The following DAB1 variants were observed in gnomAD, a reference collection of about 807,000 sequenced individuals.
DAB1 encodes the protein DAB adaptor protein 1.
A neutral mutation model predicts 64.6 loss-of-function variants in DAB1; 15 were observed. That is an observed-to-expected ratio of 0.23 (90% confidence interval 0.16 to 0.36). The LOEUF (loss-of-function observed/expected upper bound fraction) is 0.36, where lower values mean the gene tolerates loss of function less well. Among genes scored for constraint, DAB1 ranks in the 10% least tolerant of loss-of-function variants. The pLI is 1.00. For synonymous variants in DAB1, 235 were observed against 251.9 expected (o/e 0.93, Z 0.64); for missense variants, 596 against 706.7 (o/e 0.84, Z 1.78).
intron 5 of DAB1, among the ~76,000 whole-genome samples, chr1:57,961,128 T>G (rs958373866): frequency 2.0e-5 from 3 of 152,210 alleles, no homozygotes; most frequent in African/African-American, 7.2e-5. Context: ...CAAAGCAAAG[T>G]CCTGGTATTT....
chr1:58,499,454 C>T (rs1645862606), intron 3 of DAB1, among the ~76,000 whole-genome samples: 4 of 130,690 alleles, frequency 3.1e-5, no homozygotes, highest in South Asian at 4.9e-4. Flanking sequence ...CACTGCACTC[C>T]AGCCTAGGGA....
intron 7 of DAB1, among the ~76,000 whole-genome samples, chr1:57,606,520 T>TTATATATGA (rs1443101402): frequency 1.4e-5 from 1 of 70,696 alleles, no homozygotes; most frequent in African/African-American, 5.6e-5. Flanking sequence ...ATAATATATA[T>TTATATATGA]AATATATAAT....
intron 4 of DAB1, among the ~76,000 whole-genome samples, chr1:58,299,648 T>C (rs1434346866): frequency 2.0e-5 from 3 of 152,180 alleles, no homozygotes; most frequent in East Asian, 1.9e-4. Context: ...TTATCTGTGA[T>C]AGTGCCCACA....
chr1:58,191,724 G>A lies in DAB1; in HGVS notation n.310-41136C>T, dbSNP rs74074992. ...ACAACTACGACACCCACCGGCTGCT[G>A]TAGATCTGTATCCCCTTTGCCTCCT... is the stretch of plus-strand genomic sequence containing the variant. On this transcript the variant is annotated intron_variant and non_coding_transcript_variant, in intron 4 of 20. Transcript: ENST00000485760. 8.7e-3 allele frequency among the ~76,000 whole-genome samples: 1,328 copies of A among 152,318 alleles called. 20 individuals carry two copies. Among genetic ancestry groups the A allele is most frequent in the African/African-American group, 0.03 (1,264 of 41,572 alleles).
At chr1:58,161,452 A>T (rs982974282) in intron 4 of DAB1, among the ~76,000 whole-genome samples, 2 of 152,186 alleles carry the variant, frequency 1.3e-5, no homozygotes, top group Non-Finnish European at 2.9e-5. Flanking sequence ...AAAGGTTTGG[A>T]AGAACAAAGT....
chr1:58,256,382 G>C (rs1660929534), intron 4 of DAB1, among the ~76,000 whole-genome samples: 1 of 152,066 alleles, frequency 6.6e-6, no homozygotes, highest in Admixed American at 6.6e-5. Context: ...ATTTTCCAAG[G>C]GCCAGCAGCC....
At chr1:58,191,244 A>G (rs1016413726) in intron 4 of DAB1, among the ~76,000 whole-genome samples, 5 of 152,222 alleles carry the variant, frequency 3.3e-5, no homozygotes, top group Non-Finnish European at 7.3e-5. Flanking sequence ...CTATAAACAC[A>G]TTTAGTTCTT....
At chr1:57,357,923 A>G (rs1367229247) in intron 1 of DAB1, among the ~76,000 whole-genome samples, 1 of 151,992 alleles carries the variant, frequency 6.6e-6, no homozygotes, top group Non-Finnish European at 1.5e-5. Context: ...CTACAATTCA[A>G]GATAAGATTT....
chr1:57,105,237 C>T (rs1265904486), intron 4 of DAB1, among the ~76,000 whole-genome samples: 1 of 151,720 alleles, frequency 6.6e-6, no homozygotes, highest in Non-Finnish European at 1.5e-5. Context: ...CAAAATACCT[C>T]TATGGCAAGA....
rs546121916 is a variant in DAB1, at chr1:58,031,931, T to TA, written n.387+118579dup. 2.9e-3 allele frequency among the ~76,000 whole-genome samples: 420 copies of TA among 146,320 alleles called. 4 individuals carry two copies. Among genetic ancestry groups the TA allele is most frequent in the African/African-American group, 9.2e-3 (368 of 39,982 alleles). ...CCCTCATTTCCTAAGGTTGAAATTG[T>TA]AAAAAAAAAAATCTTCCCTTTGCTC... On this transcript the variant is annotated intron_variant and non_coding_transcript_variant, in intron 5 of 20. Coordinates refer to the DAB1 transcript ENST00000485760.
At chr1:57,245,780 CCT>C (rs2100496781) in intron 2 of DAB1, among the ~76,000 whole-genome samples, 1 of 152,274 alleles carries the variant, frequency 6.6e-6, no homozygotes, top group Non-Finnish European at 1.5e-5. Flanking sequence ...GATTTATAAT[CCT>C]TTGGGTATAT....
At chr1:58,098,196 G>A in intron 5 of DAB1, among the ~76,000 whole-genome samples, 1 of 152,130 alleles carries the variant, frequency 6.6e-6, no homozygotes, top group East Asian at 1.9e-4. Flanking sequence ...CCAGCATTCA[G>A]GATCTCAGCA....
chr1:57,884,877 A>T (rs1325184463), upstream of DAB1, among the ~76,000 whole-genome samples: 1 of 151,412 alleles, frequency 6.6e-6, no homozygotes, highest in African/African-American at 2.4e-5. Flanking sequence ...GGACCATGGC[A>T]CCTCCCTCCC....
intron 4 of DAB1, among the ~76,000 whole-genome samples, chr1:57,085,477 A>G (rs145911884): frequency 6.6e-6 from 1 of 152,300 alleles, no homozygotes; most frequent in Non-Finnish European, 1.5e-5. Context: ...ACTCAATTCT[A>G]GTAATGGGGC....
intron 4 of DAB1, among the ~76,000 whole-genome samples, chr1:58,185,291 G>A (rs617312): frequency 3.9e-5 from 6 of 152,156 alleles, no homozygotes; most frequent in Admixed American, 1.3e-4. Flanking sequence ...CTCATTATCT[G>A]CAGGCATCTG....
chr1:58,197,873 CATA>C (rs1224690393), intron 4 of DAB1, among the ~76,000 whole-genome samples: 1 of 152,128 alleles, frequency 6.6e-6, no homozygotes, highest in Non-Finnish European at 1.5e-5. Context: ...GAGCCCCAGG[CATA>C]ATGTTAGTTC....
intron 3 of DAB1, among the ~76,000 whole-genome samples, chr1:58,481,386 A>T (rs953127456): frequency 6.6e-6 from 1 of 152,192 alleles, no homozygotes; most frequent in African/African-American, 2.4e-5. Context: ...GTATTATTTT[A>T]AAAACAACAA....
At chr1:58,007,413 T>A (rs529296187) in intron 5 of DAB1, among the ~76,000 whole-genome samples, 1 of 152,172 alleles carries the variant, frequency 6.6e-6, no homozygotes, top group African/African-American at 2.4e-5. Context: ...AGCTTCAACA[T>A]GTACTTTATT....
intron 4 of DAB1, among the ~76,000 whole-genome samples, chr1:58,325,301 G>A (rs1662796108): frequency 6.6e-6 from 1 of 152,196 alleles, no homozygotes; most frequent in African/African-American, 2.4e-5. Context: ...TAAAATCAGA[G>A]CTAGTATTTC....
Sources: gnomAD v4.1 joint callset for allele counts (sites outside exome capture counted in the v4.1 genomes callset) on GRCh38, gnomAD v4.1.1 for gene constraint, MANE v1.5 for transcripts, NCBI Gene and HGNC (gene_info 2026-07-23, HGNC 2026-07-21) for gene names.